ADGRG6: variants seen among roughly 807,000 people sequenced by gnomAD.
The protein encoded by ADGRG6 is G-protein coupled receptor 126.
A neutral mutation model predicts 142.4 loss-of-function variants in ADGRG6; 84 were observed. The ratio of observed to expected loss-of-function variants is 0.59; its 90% CI spans 0.49 to 0.71. ADGRG6 has a LOEUF of 0.71. ADGRG6 is among the 30% of genes least tolerant of loss of function. The pLI is 0.00. For missense variants in ADGRG6, 1,367 were observed against 1,466.6 expected, an observed-to-expected ratio of 0.93 and a Z score of 1.11; for synonymous variants, 521 against 520.5, an observed-to-expected ratio of 1.00 and a Z score of -0.01.
chr6:142,427,317 C>T (rs944020086), intron 22 of ADGRG6, among the ~76,000 whole-genome samples: 5 of 152,058 alleles, frequency 3.3e-5, no homozygotes, highest in East Asian at 1.9e-4. Context: ...TTCAAAGTTC[C>T]GCAAATCTCT....
At chr6:142,364,612 G>A (rs1780865608) in intron 2 of ADGRG6, among the ~76,000 whole-genome samples, 1 of 152,208 alleles carries the variant, frequency 6.6e-6, no homozygotes, top group Non-Finnish European at 1.5e-5. Context: ...ACTCTGGGAA[G>A]TGGTTGCTGT....
chr6:142,440,819 G>A (rs1278120507), intron 24 of ADGRG6: 3 of 680,910 alleles, frequency 4.4e-6, no homozygotes, highest in Admixed American at 3.1e-5. Flanking sequence ...ATCACTCAAG[G>A]TATGCAAAAC....
At chr6:142,419,626 T>C (rs1268422487) in intron 21 of ADGRG6, among the ~76,000 whole-genome samples, 195 bp from the exon 22 acceptor site, 2 of 152,022 alleles carry the variant, frequency 1.3e-5, no homozygotes, top group Non-Finnish European at 2.9e-5. Context: ...ATTAAGACAA[T>C]GGCCATCCAA....
intron 2 of ADGRG6, among the ~76,000 whole-genome samples, chr6:142,362,295 C>T (rs572265176): frequency 9.2e-5 from 14 of 152,192 alleles, no homozygotes; most frequent in African/African-American, 3.4e-4. Context: ...TGAAGTAGCT[C>T]CTTATTCAGG....
intron 2 of ADGRG6, among the ~76,000 whole-genome samples, chr6:142,347,075 T>C (rs1446556416): frequency 2.0e-5 from 3 of 152,194 alleles, no homozygotes; most frequent in Non-Finnish European, 1.5e-5. Context: ...TCTAAATTAA[T>C]ATAACATATT....
intron 10 of ADGRG6, 28 bp downstream of exon 10, chr6:142,397,783 C>G: frequency 1.4e-6 from 2 of 1,412,858 alleles, no homozygotes; most frequent in Non-Finnish European, 1.9e-6. Flanking sequence ...TTATAATATG[C>G]ATTTTATACA....
At chr6:142,432,523 CA>C (rs1777261308) in intron 22 of ADGRG6, among the ~76,000 whole-genome samples, 1 of 152,066 alleles carries the variant, frequency 6.6e-6, no homozygotes, top group South Asian at 2.1e-4. Flanking sequence ...CATAGCGTCA[CA>C]ATTCATAGTG....
At chr6:142,418,641 A>G (rs1175923938) in intron 21 of ADGRG6, among the ~76,000 whole-genome samples, 2 of 152,172 alleles carry the variant, frequency 1.3e-5, no homozygotes, top group Non-Finnish European at 2.9e-5. Flanking sequence ...GTAAACTGCT[A>G]TACCATTAGG....
At chr6:142,346,198 G>C (rs1779892299) in intron 2 of ADGRG6, among the ~76,000 whole-genome samples, 1 of 152,154 alleles carries the variant, frequency 6.6e-6, no homozygotes, top group Non-Finnish European at 1.5e-5. Flanking sequence ...TGAACCCACT[G>C]TAAGAGTAGA....
chr6:142,371,880 A>G (rs1180477296), intron 4 of ADGRG6, among the ~76,000 whole-genome samples: 2 of 152,366 alleles, frequency 1.3e-5, no homozygotes, highest in African/African-American at 2.4e-5. Context: ...ATAAACAACC[A>G]GCACCTAAGA....
chr6:142,357,385 A>C (rs906137389), intron 2 of ADGRG6, among the ~76,000 whole-genome samples: 1 of 152,218 alleles, frequency 6.6e-6, no homozygotes, highest in Non-Finnish European at 1.5e-5. Flanking sequence ...TATTTAAACA[A>C]GCTGTTCATG....
chr6:142,307,072 G>A (rs917271403), intron 1 of ADGRG6, among the ~76,000 whole-genome samples: 4 of 152,106 alleles, frequency 2.6e-5, no homozygotes, highest in Non-Finnish European at 4.4e-5. Flanking sequence ...ATCCCTAAAT[G>A]CTGAAACCTT....
rs1366157715 is a variant in ADGRG6 at position 142,381,989 on chromosome 6, A to G, written c.1108A>G (p.Ser370Gly). Residue 370 changes from serine to glycine, a missense_variant, in exon 5 of 25, where the codon AGC (serine) becomes GGC (glycine). Transcript: ENST00000367609. ...CCCGCTCCCAGCAGCAGAACTGGCC[A>G]GCTGTGCAGACCTGGGGACCCTCTG... The part of the protein sequence containing the change: ...LIPLPAAELA[S>G]CADLGTLCQA... 6.2e-7 allele frequency: 1 copy of G among 1,607,842 alleles called. No individual in the cohort carries two copies. Among genetic ancestry groups the G allele is most frequent in the Non-Finnish European group, 8.5e-7 (1 of 1,176,168 alleles).
At chr6:142,305,412 C>G (rs564085830) in intron 1 of ADGRG6, among the ~76,000 whole-genome samples, 3 of 147,548 alleles carry the variant, frequency 2.0e-5, no homozygotes, top group African/African-American at 5.1e-5. Flanking sequence ...CCTGCCCCCC[C>G]CCACGAGCCC....
intron 20 of ADGRG6, 138 bp downstream of exon 20, chr6:142,416,202 A>T (rs935906534): frequency 1.1e-5 from 7 of 641,312 alleles, no homozygotes; most frequent in African/African-American, 1.8e-5. Flanking sequence ...GATTAGATAT[A>T]CATAGCCTAA....
intron 2 of ADGRG6, among the ~76,000 whole-genome samples, chr6:142,366,687 A>C (rs554893757): frequency 3.3e-5 from 5 of 151,560 alleles, no homozygotes; most frequent in African/African-American, 1.2e-4. Flanking sequence ...CCTGGGAGGC[A>C]GAGGTTGCAG....
chr6:142,344,459 G>A (rs9484627), intron 2 of ADGRG6, among the ~76,000 whole-genome samples: 2,076 of 152,016 alleles, frequency 0.014, 57 homozygotes, highest in African/African-American at 0.047. Context: ...CTTAAAGATT[G>A]TACAACTTGG....
chr6:142,318,063 T>A (rs374059991), intron 2 of ADGRG6, among the ~76,000 whole-genome samples: 117 of 5,334 alleles, frequency 0.022, 1 homozygote, highest in African/African-American at 0.08. Flanking sequence ...ATATTTATAT[T>A]ATATATATTT....
intron 22 of ADGRG6, among the ~76,000 whole-genome samples, chr6:142,436,971 A>C (rs1002253633): frequency 6.6e-5 from 10 of 152,230 alleles, no homozygotes; most frequent in African/African-American, 2.4e-4. Context: ...CTAATATACT[A>C]TGAATATAAC....
Sources: allele counts gnomAD v4.1 joint callset (sites outside exome capture counted in the v4.1 genomes callset), GRCh38; gene constraint gnomAD v4.1.1; transcripts MANE v1.5; gene names NCBI Gene and HGNC (gene_info 2026-07-23, HGNC 2026-07-21).